Variants in SEC23B observed in about 807,000 individuals in gnomAD.
The protein encoded by SEC23B is SEC23 homolog B, COPII component, also known as protein transport protein Sec23B.
Under a neutral mutation model 104.3 loss-of-function variants are expected in SEC23B, and 77 were observed. The ratio of observed to expected loss-of-function variants is 0.74; its 90% CI spans 0.61 to 0.89. The LOEUF (loss-of-function observed/expected upper bound fraction) is 0.89. SEC23B is among the 40% of genes least tolerant of loss of function. The pLI is 0.00. For missense variants in SEC23B, 885 were observed against 949.4 expected, an observed-to-expected ratio of 0.93 and a Z score of 0.89; for synonymous variants, 338 against 332.5, an observed-to-expected ratio of 1.02 and a Z score of -0.18.
chr20:18,556,206 G>A (rs777165535), intron 19 of SEC23B, among the ~76,000 whole-genome samples: 19 of 152,186 alleles, frequency 1.2e-4, no homozygotes, highest in Non-Finnish European at 2.6e-4. Context: ...CACCTGGTGT[G>A]TGGCCTGGTT....
At chr20:18,513,010 C>T (rs994678181) in intron 3 of SEC23B, among the ~76,000 whole-genome samples, 1 of 152,130 alleles carries the variant, frequency 6.6e-6, no homozygotes, top group African/African-American at 2.4e-5. Flanking sequence ...ATGGTGAAAT[C>T]CCCTCTCTAC....
chr20:18,510,176 C>T (rs748196426), intron 1 of SEC23B, among the ~76,000 whole-genome samples: 14 of 152,006 alleles, frequency 9.2e-5, no homozygotes, highest in African/African-American at 1.2e-4. Flanking sequence ...AGTTGGATGC[C>T]GAAACAGGGT....
chr20:18,554,963 AAAACAATTCTAATTAGATTACTGTGCAG>A lies in SEC23B; in HGVS notation c.2149-144_2149-117del. The stretch of plus-strand genomic sequence containing the variant: ...CTAAAGAAATAGATTACTGTGCAGT[AAAACAATTCTAATTAGATTACTGTGCAG>A]TAAAACAATTCTAATTTAACCAAAC... On this transcript the variant is annotated intron_variant, in intron 18 of 19. Transcript: ENST00000650089. The A allele has an allele frequency of 6.9e-5, 5 of 72,488 alleles. 2 individuals are homozygous for A. The highest frequency in any genetic ancestry group is 2.0e-4 in the Non-Finnish European group (5 of 24,620). The allele number at this position is 72,488 out of a possible 1,614,324, so 4.5% of individuals were successfully genotyped here.
At chr20:18,523,374 CTCTT>C (rs1299672558) in intron 4 of SEC23B, among the ~76,000 whole-genome samples, 2 of 149,130 alleles carry the variant, frequency 1.3e-5, no homozygotes, top group African/African-American at 4.9e-5. Flanking sequence ...CTTTTTCTTT[CTCTT>C]TCTTTGTTTC....
chr20:18,551,446 G>T (rs1444240944), intron 17 of SEC23B, among the ~76,000 whole-genome samples: 1 of 152,124 alleles, frequency 6.6e-6, no homozygotes, highest in East Asian at 1.9e-4. Context: ...AGGTGCAGTG[G>T]CTTATACCTG....
rs1015920100 is a variant in SEC23B, at chr20:18,548,641, T to G, written c.1776T>G (p.Leu592=). The G allele has an allele frequency of 2.5e-6, 4 of 1,614,028 alleles. No individual in the cohort carries two copies. The African/African-American group carries it at 5.3e-5, about 22-fold the overall frequency. ...TCCATCTGAGAAGATCTCCATTTCTTCAAGTGTTTAACAACAGTCCTGATG... is the reference window on the plus strand; with the variant it reads ...TCCATCTGAGAAGATCTCCATTTCTGCAAGTGTTTAACAACAGTCCTGATG... ...FMFHLRRSPF[L]QVFNNSPDES... is the part of the protein sequence containing the mutation. Residue 592 remains leucine, a synonymous_variant, in exon 16 of 20, where the codon CTT becomes CTG. Transcript: ENST00000650089.
At chr20:18,553,703 T>C (rs2060409095) in intron 17 of SEC23B, among the ~76,000 whole-genome samples, 2 of 152,078 alleles carry the variant, frequency 1.3e-5, no homozygotes. Context: ...ACAGCTTTTG[T>C]CTCCTTTGCC....
At chr20:18,539,532 A>T (rs1431435878) in intron 12 of SEC23B, among the ~76,000 whole-genome samples, 2 of 144,488 alleles carry the variant, frequency 1.4e-5, no homozygotes, top group African/African-American at 5.0e-5. Context: ...AAAAAAAGAG[A>T]TGGGGTCTCT....
Position 18,527,575 on chromosome 20 carries a change from G to T in SEC23B, c.1073G>T (p.Gly358Val). 1 of 1,612,494 alleles carries T rather than the reference G, an allele frequency of 6.2e-7. No individual in the cohort carries two copies. The highest frequency in any genetic ancestry group is 8.5e-7 in the Non-Finnish European group (1 of 1,178,542). The part of the protein sequence containing the change: ...DIYACALDQT[G>V]LLEMKCCANL... ...TATGCTTGTGCCCTTGATCAAACTGGACTTTTGGAGATGAAGTGTTGTGCA... is the reference window on the plus strand; with the variant it reads ...TATGCTTGTGCCCTTGATCAAACTGTACTTTTGGAGATGAAGTGTTGTGCA... Residue 358 changes from glycine (G) to valine (V), a missense_variant, in exon 9 of 20, where the codon GGA becomes GTA. By Grantham distance (109) the Gly-to-Val change is moderately radical. Transcript: ENST00000650089.
In SEC23B at chr20:18,527,307, T is replaced by C. The variant is rs535550437; in HGVS notation, c.994-189T>C. ...TACTTGGGAGGCTGAGGCAGGATGATCACTTGAACCCGGGAGGTGGAGATC... is the reference window on the plus strand; with the variant it reads ...TACTTGGGAGGCTGAGGCAGGATGACCACTTGAACCCGGGAGGTGGAGATC... On this transcript the variant is annotated intron_variant, in intron 8 of 19. Transcript: ENST00000650089. Among the ~76,000 whole-genome samples, 181 of 152,152 alleles carry C rather than the reference T, an allele frequency of 1.2e-3. No homozygotes were observed. Among genetic ancestry groups the C allele is most frequent in the Non-Finnish European group, 1.9e-3 (130 of 68,026 alleles).
At chr20:18,534,568 C>T (rs947401968) in intron 11 of SEC23B, among the ~76,000 whole-genome samples, 19 of 152,186 alleles carry the variant, frequency 1.2e-4, no homozygotes, top group African/African-American at 4.3e-4. Context: ...GCCCCACTGC[C>T]TTTCTACTGT....
In SEC23B at chr20:18,535,736, C is replaced by T. The variant is rs769398143; in HGVS notation, c.1398C>T (p.Val466=). The change falls in exon 12 of 20, where the codon GTC becomes GTT. Residue 466 remains valine (V), a synonymous_variant. Coordinates refer to ENST00000650089, the MANE Select transcript of SEC23B (RefSeq NM_006363.6). ...TSTLGIYFEV[V]NQHNTPIPQG... is the part of the protein sequence containing the mutation. Reference sequence around the variant, plus strand: ...CACTTGGCATCTATTTTGAAGTTGTCAATCAGGTGAGTTGGATTTCTTCAC... The same window carrying T: ...CACTTGGCATCTATTTTGAAGTTGTTAATCAGGTGAGTTGGATTTCTTCAC... The T allele has an allele frequency of 1.2e-6, 2 of 1,612,226 alleles. No individual in the cohort carries two copies. Among genetic ancestry groups the T allele is most frequent in the African/African-American group, 2.7e-5 (2 of 74,872 alleles).
chr20:18,517,140 G>A (rs929618568), intron 4 of SEC23B, among the ~76,000 whole-genome samples: 22 of 152,184 alleles, frequency 1.4e-4, no homozygotes, highest in African/African-American at 5.1e-4. Flanking sequence ...GTGTCCGTGT[G>A]AAGAGACCAC....
chr20:18,554,086 T>C (rs2060412870), intron 17 of SEC23B, 149 bp from the exon 18 acceptor site: 1 of 911,922 alleles, frequency 1.1e-6, no homozygotes, highest in African/African-American at 1.6e-5. Context: ...CCGGTAGCTC[T>C]GCTTTGCTCT....
chr20:18,535,649 C>G lies in SEC23B; in HGVS notation c.1315-4C>G, dbSNP rs1264843230. On this transcript the variant is annotated splice_region_variant and splice_polypyrimidine_tract_variant and intron_variant, in intron 11 of 19. Transcript: ENST00000650089. ...GTTTTTCAAATTCCTCTTCCCACCC[C>G]CAGGAGCTTGGTGTTGGTGGCACGA... The G allele has an allele frequency of 1.2e-6, 2 of 1,613,464 alleles. No individual in the cohort carries two copies. The highest frequency in any genetic ancestry group is 1.7e-6 in the Non-Finnish European group (2 of 1,179,550).
At chr20:18,542,915 AG>A in intron 13 of SEC23B, 103 bp from the exon 14 acceptor site, 2 of 1,438,086 alleles carry the variant, frequency 1.4e-6, no homozygotes, top group Non-Finnish European at 2.0e-6. Context: ...TTGGGATTTC[AG>A]GAATGAGCCA....
chr20:18,540,983 A>G (rs1009287814), intron 12 of SEC23B, among the ~76,000 whole-genome samples: 1 of 152,208 alleles, frequency 6.6e-6, no homozygotes, highest in African/African-American at 2.4e-5. Flanking sequence ...TCTTCTTCCA[A>G]CTACACTGAA....
At chr20:18,554,720 G>A (rs1332556822) in intron 18 of SEC23B, among the ~76,000 whole-genome samples, 2 of 151,844 alleles carry the variant, frequency 1.3e-5, no homozygotes, top group African/African-American at 4.8e-5. Context: ...CCAGCTATTC[G>A]GGAGGCTGAG....
At chr20:18,533,506 G>C (rs1195237377) in intron 11 of SEC23B, among the ~76,000 whole-genome samples, 1 of 152,182 alleles carries the variant, frequency 6.6e-6, no homozygotes, top group African/African-American at 2.4e-5. Flanking sequence ...TTTGCTCTGT[G>C]ATTCAGTATC....
Sources: gnomAD v4.1 joint callset for allele counts (sites outside exome capture counted in the v4.1 genomes callset) on GRCh38, gnomAD v4.1.1 for gene constraint, MANE v1.5 for transcripts, NCBI Gene and HGNC (gene_info 2026-07-23, HGNC 2026-07-21) for gene names.